DNAJA4: variants seen among roughly 807,000 people sequenced by gnomAD.
DNAJA4 encodes dnaJ homolog subfamily A member 4.
In DNAJA4, 32 loss-of-function variants were observed where a neutral mutation model predicts 39.7. The observed-to-expected ratio is 0.81, with a 90% CI of 0.61 to 1.08. The LOEUF is 1.08. Ranked by LOEUF, DNAJA4 falls within the 50% of genes least tolerant of loss-of-function variation. The pLI, the probability that DNAJA4 is intolerant of heterozygous loss-of-function variation, is 0.00. For missense variants in DNAJA4, 439 were observed against 505.1 expected (o/e 0.87, Z 1.25); for synonymous variants, 184 against 182.4 (o/e 1.01, Z -0.07).
In DNAJA4 at chr15:78,270,695, A is replaced by G. The variant is rs1411847057; in HGVS notation, c.313+18A>G. The stretch of plus-strand genomic sequence containing the variant: ...GAGAAGAGGTAAATGCTTTTAAAGA[A>G]ACATAAATAAGTTGTATGGTTTCCA... On this transcript the variant is annotated intron_variant, in intron 2 of 6. Coordinates refer to ENST00000394852, the MANE Select transcript of DNAJA4 (RefSeq NM_001130182.2). 1 of 1,607,998 alleles carries G rather than the reference A, an allele frequency of 6.2e-7. No homozygotes were observed. The highest frequency in any genetic ancestry group is 8.5e-7 in the Non-Finnish European group (1 of 1,176,726).
intron 5 of DNAJA4, among the ~76,000 whole-genome samples, chr15:78,278,647 A>G (rs939351062): frequency 2.0e-5 from 3 of 151,844 alleles, no homozygotes; most frequent in African/African-American, 7.3e-5. Context: ...TATGCTGTGC[A>G]TGACTGTATT....
At chr15:78,266,402 C>A in intron 1 of DNAJA4, 1 of 945,584 alleles carries the variant, frequency 1.1e-6, no homozygotes, top group South Asian at 1.5e-5. Flanking sequence ...GTAGGTTTCA[C>A]CCTGTCTATA....
chr15:78,274,417 T>C lies in DNAJA4; in HGVS notation c.639T>C (p.Val213=). The part of the protein sequence containing the change: ...IREKKIIEVH[V]EKGMKDGQKI... Reference sequence around the variant, plus strand: ...AGAAGAAGATTATCGAGGTACATGTTGAAAAAGGTGAGGCTGCGCAGAGCT... The same window carrying C: ...AGAAGAAGATTATCGAGGTACATGTCGAAAAAGGTGAGGCTGCGCAGAGCT... Residue 213 remains valine (V), a synonymous_variant, in exon 4 of 7, where the codon GTT becomes GTC. Transcript: ENST00000394852. 6.2e-7 allele frequency: 1 copy of C among 1,613,884 alleles called. No homozygotes were observed. The highest frequency in any genetic ancestry group is 8.5e-7 in the Non-Finnish European group (1 of 1,179,978).
rs1354876508 is a variant in DNAJA4, at chr15:78,280,230, C to A, written c.979-15C>A. ...AAAAAACAGCCACCTTTCTTTCCCA[C>A]CTCACCCTTTACAGGTAATCTTTCC... On this transcript the variant is annotated splice_polypyrimidine_tract_variant and intron_variant, in intron 6 of 6. Coordinates refer to ENST00000394852, the MANE Select transcript of DNAJA4 (RefSeq NM_001130182.2). The A allele has an allele frequency of 3.1e-6, 5 of 1,612,858 alleles. No homozygotes were observed. The South Asian group carries it at 3.3e-5, about 11-fold the overall frequency.
At chr15:78,278,109 A>T (rs2049526255) in intron 5 of DNAJA4, 1 of 455,830 alleles carries the variant, frequency 2.2e-6, no homozygotes, top group South Asian at 1.5e-5. Context: ...TGGATTAATT[A>T]AAAAAGTGAT....
upstream of DNAJA4, chr15:78,264,498 C>A: frequency 8.1e-7 from 1 of 1,241,046 alleles, no homozygotes; most frequent in Non-Finnish European, 1.0e-6. Context: ...GTGGCGTCAC[C>A]GTCTCCTTGC....
chr15:78,277,206 CA>C (rs1218146608), intron 5 of DNAJA4, among the ~76,000 whole-genome samples: 2 of 152,002 alleles, frequency 1.3e-5, no homozygotes, highest in East Asian at 3.8e-4. Flanking sequence ...TTTTTTGAGA[CA>C]GGGGTCTTGC....
At chr15:78,278,890 CG>C (rs916620981) in intron 5 of DNAJA4, among the ~76,000 whole-genome samples, 10 of 138,552 alleles carry the variant, frequency 7.2e-5, no homozygotes, top group Admixed American at 6.8e-4. Context: ...AACCTGGTCT[CG>C]AACTCCTGAC....
In DNAJA4 at chr15:78,264,861, A is replaced by T; in HGVS notation, c.98A>T (p.Tyr33Phe). The change falls in exon 1 of 7, where the codon TAC (tyrosine) becomes TTC (phenylalanine). Residue 33 changes from tyrosine (Y) to phenylalanine (F), a missense_variant. Tyr to Phe is a conservative substitution (Grantham distance 22). Transcript: ENST00000394852. ...KKAYRKLALK[Y>F]HPDKNPDEGE... ...GCCTATCGGAAGCTGGCGCTCAAGTACCACCCGGACAAGAACCCGGATGAG... is the reference window on the plus strand; with the variant it reads ...GCCTATCGGAAGCTGGCGCTCAAGTTCCACCCGGACAAGAACCCGGATGAG... The T allele has an allele frequency of 6.2e-7, 1 of 1,602,752 alleles. No homozygotes were observed. Among genetic ancestry groups the T allele is most frequent in the Non-Finnish European group, 8.5e-7 (1 of 1,175,806 alleles).
chr15:78,281,065 G>GT lies in DNAJA4; in HGVS notation c.*606dup, dbSNP rs1419936048. Reference sequence around the variant, plus strand: ...TTCTGTGCCCTTCAGTGGATGGAACGTGAGTGTCTGATCATCTCTCTTGGA... The same window carrying GT: ...TTCTGTGCCCTTCAGTGGATGGAACGTTGAGTGTCTGATCATCTCTCTTGGA... On this transcript the variant is annotated 3_prime_UTR_variant, in exon 7 of 7. Coordinates refer to ENST00000394852, the MANE Select transcript of DNAJA4 (RefSeq NM_001130182.2). 6.5e-6 allele frequency: 1 copy of GT among 153,030 alleles called. No individual in the cohort carries two copies. Among genetic ancestry groups the GT allele is most frequent in the African/African-American group, 2.4e-5 (1 of 41,456 alleles). 9.5% of individuals were successfully genotyped at this position (153,030 alleles called of 1,614,324 possible). A position where few individuals can be genotyped will look rare whatever the true frequency, so the allele number is the denominator to read the frequency against.
intron 5 of DNAJA4, chr15:78,278,359 G>A (rs1285053860): frequency 2.2e-6 from 1 of 448,150 alleles, no homozygotes; most frequent in East Asian, 7.0e-5. Flanking sequence ...AAGGGGATAT[G>A]TTCTGAGAGA....
At chr15:78,266,426 G>A in intron 1 of DNAJA4, 1 of 748,362 alleles carries the variant, frequency 1.3e-6, no homozygotes, top group Non-Finnish European at 2.1e-6. Context: ...GTCTGGGCAG[G>A]TTGTTTGGTT....
chr15:78,282,107 T>C lies in DNAJA4; in HGVS notation c.*1647T>C, dbSNP rs117664634. On this transcript the variant is annotated 3_prime_UTR_variant, in exon 7 of 7. Coordinates refer to ENST00000394852, the MANE Select transcript of DNAJA4 (RefSeq NM_001130182.2). ...TTACATTCAGCTCCTTCTTGTCATA[T>C]AAAAGGAATTTGGAGGGTGTCGCTT... is the stretch of plus-strand genomic sequence containing the variant. 1.8e-4 allele frequency: 27 copies of C among 152,358 alleles called. No homozygotes were observed. In the East Asian group the frequency reaches 5.0e-3, roughly 28 times the overall value. 9.4% of individuals were successfully genotyped at this position (152,358 alleles called of 1,614,324 possible). A position where few individuals can be genotyped will look rare whatever the true frequency, so the allele number is the denominator to read the frequency against.
chr15:78,268,801 C>T (rs1225260694), intron 1 of DNAJA4, among the ~76,000 whole-genome samples: 1 of 152,238 alleles, frequency 6.6e-6, no homozygotes, highest in Non-Finnish European at 1.5e-5. Context: ...AACCCCCCAT[C>T]TTCATGGAGC....
chr15:78,267,143 T>A (rs541349075), intron 1 of DNAJA4, among the ~76,000 whole-genome samples: 38 of 37,752 alleles, frequency 1.0e-3, no homozygotes, highest in African/African-American at 3.3e-3. Context: ...TGTATGTGAG[T>A]GTGTGTGTGA....
intron 2 of DNAJA4, among the ~76,000 whole-genome samples, chr15:78,270,939 C>T (rs537907710): frequency 6.6e-6 from 1 of 152,218 alleles, no homozygotes; most frequent in South Asian, 2.1e-4. Context: ...GTGACTCATG[C>T]CTGTAGTCTC....
At chr15:78,264,487 T>C, upstream of DNAJA4, 5 of 1,252,288 alleles carry the variant, frequency 4.0e-6, no homozygotes, top group Non-Finnish European at 5.0e-6. Context: ...TCTAGGCCTT[T>C]GTGGCGTCAC....
chr15:78,272,624 C>T (rs940300232), intron 2 of DNAJA4, among the ~76,000 whole-genome samples: 1 of 152,162 alleles, frequency 6.6e-6, no homozygotes, highest in Non-Finnish European at 1.5e-5. Context: ...AAAGAATTCC[C>T]ATTTGGCCAC....
rs2049082684 is a variant in DNAJA4, at chr15:78,265,028, C to T, written c.132+133C>T. 2.2e-5 allele frequency: 25 copies of T among 1,139,556 alleles called. No homozygotes were observed. In the South Asian group the frequency reaches 4.0e-4, roughly 18 times the overall value. 70.6% of individuals were successfully genotyped at this position (1,139,556 alleles called of 1,614,324 possible). A position where few individuals can be genotyped will look rare whatever the true frequency, so the allele number is the denominator to read the frequency against. On this transcript the variant is annotated intron_variant, in intron 1 of 6. Coordinates refer to ENST00000394852, the MANE Select transcript of DNAJA4 (RefSeq NM_001130182.2). ...GTCGCCAGGCGCCTCGGGGCCAGGC[C>T]GGGCAGAGGTGGCGGGAGACCCTGG...
Sources: gnomAD v4.1 joint callset for allele counts (sites outside exome capture counted in the v4.1 genomes callset) on GRCh38, gnomAD v4.1.1 for gene constraint, MANE v1.5 for transcripts, NCBI Gene and HGNC (gene_info 2026-07-23, HGNC 2026-07-21) for gene names.